Variants in TNS3 observed in about 807,000 individuals in gnomAD.
The protein encoded by TNS3 is tensin-3.
TNS3 carries 45 observed loss-of-function variants against 140.9 expected under a neutral mutation model. The ratio of observed to expected loss-of-function variants is 0.32; its 90% confidence interval spans 0.25 to 0.41. The LOEUF (loss-of-function observed/expected upper bound fraction) is 0.41, where lower values mean the gene tolerates loss of function less well. TNS3 is among the 10% of genes least tolerant of loss of function. The pLI is 1.00. For missense variants in TNS3, 1,716 were observed against 1,906.7 expected (o/e 0.90, Z 1.86); for synonymous variants, 815 against 788.4 (o/e 1.03, Z -0.56).
intron 17 of TNS3, among the ~76,000 whole-genome samples, chr7:47,350,216 T>C (rs1789584008): frequency 6.6e-6 from 1 of 152,146 alleles, no homozygotes; most frequent in Non-Finnish European, 1.5e-5. Context: ...GAGGGGCCCC[T>C]GGGAACAAGA....
chr7:47,445,422 A>G (rs1011148238), intron 4 of TNS3, among the ~76,000 whole-genome samples: 1 of 152,188 alleles, frequency 6.6e-6, no homozygotes, highest in African/African-American at 2.4e-5. Flanking sequence ...GGAATCCCAC[A>G]GTTAAGCTGC....
intron 10 of TNS3, among the ~76,000 whole-genome samples, chr7:47,415,962 G>A (rs548071631): frequency 2.6e-5 from 4 of 152,248 alleles, no homozygotes; most frequent in Admixed American, 6.5e-5. Context: ...ACCACAGGAT[G>A]AGCCGGAGGC....
chr7:47,576,378 G>C (rs1044196326), intron 1 of TNS3, among the ~76,000 whole-genome samples: 1 of 152,180 alleles, frequency 6.6e-6, no homozygotes, highest in African/African-American at 2.4e-5. Context: ...CAGGCTGCAG[G>C]TGACAAATGA....
In TNS3 at chr7:47,278,373, A is replaced by G. The variant is rs150578693; in HGVS notation, c.4194-153T>C. ...CCAGCACCCTGCTGGCCACCTGTTC[A>G]TGCACTTTACCTCCAGCCTTCACAG... On this transcript the variant is annotated intron_variant, in intron 30 of 30. Coordinates refer to ENST00000311160, the MANE Select transcript of TNS3 (RefSeq NM_022748.12). The G allele has an allele frequency of 2.0e-4, 160 of 800,510 alleles. No individual in the cohort carries two copies. The African/African-American group carries it at 2.6e-3, about 13-fold the overall frequency. 49.6% of individuals were successfully genotyped at this position (800,510 alleles called of 1,614,324 possible).
intron 4 of TNS3, among the ~76,000 whole-genome samples, chr7:47,451,880 A>G (rs991756209): frequency 1.3e-5 from 2 of 152,216 alleles, no homozygotes; most frequent in African/African-American, 2.4e-5. Context: ...CACCCAGCAC[A>G]TACGACTTGG....
intron 4 of TNS3, among the ~76,000 whole-genome samples, chr7:47,465,368 G>A (rs1427737538): frequency 1.3e-5 from 2 of 152,182 alleles, no homozygotes; most frequent in Admixed American, 6.5e-5. Context: ...GCTGGCTTGG[G>A]AAACACTGGT....
At chr7:47,348,164 G>A (rs1275796261) in intron 17 of TNS3, among the ~76,000 whole-genome samples, 3 of 152,202 alleles carry the variant, frequency 2.0e-5, no homozygotes, top group Non-Finnish European at 2.9e-5. Context: ...CTGGCCCCAC[G>A]CACCACCTGG....
chr7:47,340,952 T>C (rs955193241), intron 20 of TNS3, among the ~76,000 whole-genome samples: 1 of 152,198 alleles, frequency 6.6e-6, no homozygotes, highest in Admixed American at 6.5e-5. Flanking sequence ...TCATGAATGA[T>C]GTGAATTTTG....
intron 12 of TNS3, among the ~76,000 whole-genome samples, chr7:47,413,313 G>A: frequency 7.6e-6 from 1 of 131,384 alleles, no homozygotes; most frequent in South Asian, 2.6e-4. Context: ...GTGCAGTGGT[G>A]TGATCTCGGC....
At chr7:47,403,896 T>G (rs1034447924) in intron 13 of TNS3, among the ~76,000 whole-genome samples, 2 of 152,232 alleles carry the variant, frequency 1.3e-5, no homozygotes, top group African/African-American at 4.8e-5. Context: ...ATCAACATGG[T>G]ACTTGGTACG....
intron 16 of TNS3, among the ~76,000 whole-genome samples, chr7:47,395,968 G>C (rs551443750): frequency 4.6e-5 from 7 of 152,306 alleles, no homozygotes; most frequent in Non-Finnish European, 8.8e-5. Context: ...CCCCTTCCTG[G>C]AGTCATGGGA....
intron 20 of TNS3, among the ~76,000 whole-genome samples, chr7:47,306,518 T>C (rs1786762310): frequency 6.6e-6 from 1 of 152,224 alleles, no homozygotes; most frequent in East Asian, 1.9e-4. Flanking sequence ...CATTTCAATA[T>C]GAATTAAAAA....
chr7:47,454,891 G>A (rs925605694), intron 4 of TNS3, among the ~76,000 whole-genome samples: 7 of 151,954 alleles, frequency 4.6e-5, no homozygotes, highest in African/African-American at 1.7e-4. Context: ...GTCATCTCCG[G>A]AGTCTGAAAG....
chr7:47,303,394 C>T lies in TNS3; in HGVS notation c.3013G>A (p.Ala1005Thr). Reference sequence around the variant, plus strand: ...GGCGCCAGGGAGTCCGGTGGCTCTGCTAGGGACAGCTCATGGCTGTGGAAA... The same window carrying T: ...GGCGCCAGGGAGTCCGGTGGCTCTGTTAGGGACAGCTCATGGCTGTGGAAA... Reference protein sequence around the residue: ...APFHSHELSLAEPPDSLAPPS... With the variant: ...APFHSHELSLTEPPDSLAPPS... The change falls in exon 22 of 31, where the codon GCA becomes ACA. Residue 1005 changes from alanine (A) to threonine (T), a missense_variant. Transcript: ENST00000311160. 4 of 1,613,798 alleles carry T rather than the reference C, an allele frequency of 2.5e-6. No homozygotes were observed. In the South Asian group the frequency reaches 3.3e-5, roughly 13 times the overall value.
At position 47,459,749 on chromosome 7, in the gene TNS3, A is replaced by T. The variant is rs550713871; in HGVS notation, c.-75-17694T>A. On this transcript the variant is annotated intron_variant, in intron 4 of 30. Coordinates refer to ENST00000311160, the MANE Select transcript of TNS3 (RefSeq NM_022748.12). Reference sequence around the variant, plus strand: ...CATCTGTTCCATAATCAAGACCATAACTTCAAGTTTATGATTTATTACCCA... The same window carrying T: ...CATCTGTTCCATAATCAAGACCATATCTTCAAGTTTATGATTTATTACCCA... Among the ~76,000 whole-genome samples the T allele has an allele frequency of 2.6e-5, 4 of 152,238 alleles. 1 individual carries two copies. The South Asian group carries it at 8.3e-4, about 32-fold the overall frequency.
chr7:47,395,669 C>G (rs920305491), intron 16 of TNS3, among the ~76,000 whole-genome samples: 1 of 152,202 alleles, frequency 6.6e-6, no homozygotes, highest in Non-Finnish European at 1.5e-5. Context: ...ATAATTCACA[C>G]CAGCAAAGAA....
intron 1 of TNS3, among the ~76,000 whole-genome samples, chr7:47,573,392 C>T (rs1356971938): frequency 6.6e-6 from 1 of 152,128 alleles, no homozygotes; most frequent in Non-Finnish European, 1.5e-5. Flanking sequence ...CCCGCTAGGT[C>T]GCTGGGGCAT....
chr7:47,424,347 G>C (rs967551765), intron 9 of TNS3, among the ~76,000 whole-genome samples, 163 bp from the exon 10 acceptor site: 3 of 152,190 alleles, frequency 2.0e-5, no homozygotes, highest in Non-Finnish European at 2.9e-5. Flanking sequence ...TCCCTTGTTA[G>C]ACTTCATTTC....
intron 17 of TNS3, among the ~76,000 whole-genome samples, chr7:47,357,791 T>C (rs1197962799): frequency 6.6e-6 from 1 of 152,060 alleles, no homozygotes; most frequent in African/African-American, 2.4e-5. Flanking sequence ...GATTGCAAAA[T>C]TGAAAATTCT....
Sources: allele counts gnomAD v4.1 joint callset (sites outside exome capture counted in the v4.1 genomes callset), GRCh38; gene constraint gnomAD v4.1.1; transcripts MANE v1.5; gene names NCBI Gene and HGNC (gene_info 2026-07-23, HGNC 2026-07-21).